Variants in CDK5RAP2 observed in about 807,000 individuals in gnomAD.
CDK5RAP2 encodes the protein CDK5 regulatory subunit associated protein 2, also known as CDK5 regulatory subunit-associated protein 2.
In CDK5RAP2, 147 loss-of-function variants were observed where a neutral mutation model predicts 232.9. The observed-to-expected ratio is 0.63, with a 90% confidence interval of 0.55 to 0.72. The LOEUF (loss-of-function observed/expected upper bound fraction) is 0.72, where lower values mean the gene tolerates loss of function less well. Among genes scored for constraint, CDK5RAP2 ranks in the 30% least tolerant of loss-of-function variants. CDK5RAP2 has a pLI of 0.00. For missense variants in CDK5RAP2, 2,195 were observed against 2,231.5 expected (o/e 0.98, Z 0.33); for synonymous variants, 833 against 833.7 (o/e 1.00, Z 0.01).
rs767866652 is a variant in CDK5RAP2, at chr9:120,467,969, T to C, written c.1997A>G (p.Glu666Gly). The change falls in exon 18 of 38, where the codon GAG becomes GGG. Residue 666 changes from glutamate (E) to glycine (G), a missense_variant. Glu to Gly is a moderately conservative substitution (Grantham distance 98, BLOSUM62 -2). Transcript: ENST00000349780. ...KVSDLIQLVK[E>G]LYTDNQHLKK... Reference sequence around the variant, plus strand: ...CAGGTGCTGGTTGTCTGTATACAGCTCCTTCACTAGCTGTATAAGGTCACT... The same window carrying C: ...CAGGTGCTGGTTGTCTGTATACAGCCCCTTCACTAGCTGTATAAGGTCACT... The C allele has an allele frequency of 6.2e-7, 1 of 1,614,102 alleles. No individual in the cohort carries two copies. The highest frequency in any genetic ancestry group is 2.2e-5 in the East Asian group (1 of 44,884).
chr9:120,550,224 A>G (rs1325914536), intron 4 of CDK5RAP2, among the ~76,000 whole-genome samples: 1 of 152,228 alleles, frequency 6.6e-6, no homozygotes, highest in Non-Finnish European at 1.5e-5. Flanking sequence ...GTTACAGGCA[A>G]GCACACAGGA....
intron 32 of CDK5RAP2, among the ~76,000 whole-genome samples, 174 bp from the exon 33 acceptor site, chr9:120,404,287 G>GA (rs1226897176): frequency 6.6e-6 from 1 of 152,198 alleles, no homozygotes; most frequent in Non-Finnish European, 1.5e-5. Flanking sequence ...GGACACCAGG[G>GA]AGACAGAGTG....
At chr9:120,477,303 G>C in intron 15 of CDK5RAP2, 47 bp downstream of exon 15, 1 of 1,310,030 alleles carries the variant, frequency 7.6e-7, no homozygotes. Flanking sequence ...GCGTGCATGT[G>C]TGTGTGTTCG....
At chr9:120,579,060 C>T (rs1355007006) in intron 1 of CDK5RAP2, among the ~76,000 whole-genome samples, 1 of 152,174 alleles carries the variant, frequency 6.6e-6, no homozygotes, top group Non-Finnish European at 1.5e-5. Flanking sequence ...AGGGGCCAGC[C>T]GTGGAGCAGA....
At chr9:120,451,969 G>T (rs1374360947) in intron 21 of CDK5RAP2, among the ~76,000 whole-genome samples, 2 of 150,570 alleles carry the variant, frequency 1.3e-5, no homozygotes, top group African/African-American at 4.9e-5. Context: ...TCCTTTTGAA[G>T]ACATAGCAAG....
At chr9:120,389,990 A>G (rs1002696497) in intron 36 of CDK5RAP2, 5 of 608,130 alleles carry the variant, frequency 8.2e-6, no homozygotes, top group South Asian at 1.8e-5. Context: ...ACGCATCAAC[A>G]ACACCTCTTT....
At chr9:120,518,133 T>C (rs566444124) in intron 12 of CDK5RAP2, among the ~76,000 whole-genome samples, 10 of 147,546 alleles carry the variant, frequency 6.8e-5, no homozygotes, top group East Asian at 2.0e-4. Context: ...AAAAGCACGA[T>C]ACAAAACTGT....
Position 120,407,181 on chromosome 9 carries a change from G to A in CDK5RAP2, c.4794C>T (p.Ile1598=), listed in dbSNP as rs1446911588. 8 of 1,613,784 alleles carry A rather than the reference G, an allele frequency of 5.0e-6. No individual in the cohort carries two copies. Among genetic ancestry groups the A allele is most frequent in the Non-Finnish European group, 5.9e-6 (7 of 1,180,036 alleles). The change falls in exon 32 of 38, where the codon ATC becomes ATT. Residue 1598 remains isoleucine, a synonymous_variant. Transcript: ENST00000349780. ...FRDLHSLLME[I]QALRLQLERS... is the part of the protein sequence containing the mutation. ...TTTCTAGTTGCAAGCGCAGAGCCTG[G>A]ATCTCCATCAGGAGGCTGTGCAGGT... is the stretch of plus-strand genomic sequence containing the variant.
intron 22 of CDK5RAP2, among the ~76,000 whole-genome samples, chr9:120,443,993 T>A (rs893200916): frequency 9.8e-5 from 15 of 152,328 alleles, no homozygotes; most frequent in Admixed American, 1.3e-4. Context: ...ATGAATTCTA[T>A]CAATTCGTGC....
At chr9:120,524,502 GT>G (rs948461705) in intron 11 of CDK5RAP2, among the ~76,000 whole-genome samples, 1 of 152,238 alleles carries the variant, frequency 6.6e-6, no homozygotes, top group African/African-American at 2.4e-5. Flanking sequence ...TTAGCCAGGC[GT>G]GGTGGTGGGC....
At chr9:120,441,305 G>A (rs1316655686) in intron 23 of CDK5RAP2, among the ~76,000 whole-genome samples, 3 of 152,166 alleles carry the variant, frequency 2.0e-5, no homozygotes, top group Admixed American at 2.0e-4. Context: ...CTGTCACATA[G>A]GCAAGTTACT....
At chr9:120,409,825 A>G (rs1475614944) in intron 29 of CDK5RAP2, among the ~76,000 whole-genome samples, 1 of 152,276 alleles carries the variant, frequency 6.6e-6, no homozygotes, top group Non-Finnish European at 1.5e-5. Flanking sequence ...CAGAGAGGCC[A>G]CATTCAAGAG....
At position 120,403,059 on chromosome 9, in the gene CDK5RAP2, G is replaced by A; in HGVS notation, c.5054C>T (p.Pro1685Leu). 2 of 1,614,106 alleles carry A rather than the reference G, an allele frequency of 1.2e-6. No individual in the cohort carries two copies. The highest frequency in any genetic ancestry group is 1.7e-6 in the Non-Finnish European group (2 of 1,179,954). The change falls in exon 34 of 38, where the codon CCT (proline) becomes CTT (leucine). Residue 1685 changes from proline (P) to leucine (L), a missense_variant. Transcript: ENST00000349780. This position sits in a 1 kb window ranked among gnomAD's most constrained non-coding sequence, Gnocchi z 4.2. ...GTCCGTGTCATTCCCAGAGAGTGGA[G>A]GAGTCTCTGAAACTGTAAAATGAGA... ...AVTPKSVSETPPLSGNDTDSL... is the reference protein window; with the variant it reads ...AVTPKSVSETLPLSGNDTDSL...
intron 25 of CDK5RAP2, among the ~76,000 whole-genome samples, chr9:120,423,095 C>T (rs562495111): frequency 6.6e-6 from 1 of 152,308 alleles, no homozygotes; most frequent in Non-Finnish European, 1.5e-5. Context: ...CTGGCACTCC[C>T]ACAGCCAAGT....
chr9:120,503,772 CCTCT>C (rs1292654206), intron 12 of CDK5RAP2, among the ~76,000 whole-genome samples: 1 of 152,070 alleles, frequency 6.6e-6, no homozygotes, highest in Non-Finnish European at 1.5e-5. Context: ...AGCCGTGTCA[CCTCT>C]CTCTGTCCCC....
At chr9:120,560,802 A>C (rs1030056309) in intron 3 of CDK5RAP2, among the ~76,000 whole-genome samples, 1 of 151,928 alleles carries the variant, frequency 6.6e-6, no homozygotes, top group African/African-American at 2.4e-5. Flanking sequence ...TTTTTAGTAG[A>C]GACGGGGTTT....
At chr9:120,521,740 G>C (rs1358490442) in intron 11 of CDK5RAP2, among the ~76,000 whole-genome samples, 2 of 150,814 alleles carry the variant, frequency 1.3e-5, no homozygotes, top group Non-Finnish European at 3.0e-5. Context: ...CCGCCTCCCG[G>C]GTTCACACCA....
chr9:120,522,378 T>C (rs1416846246), intron 11 of CDK5RAP2, among the ~76,000 whole-genome samples: 1 of 152,244 alleles, frequency 6.6e-6, no homozygotes, highest in Non-Finnish European at 1.5e-5. Flanking sequence ...CTACATATAC[T>C]GCCATGGCAA....
At chr9:120,540,434 A>T (rs1439700666) in intron 5 of CDK5RAP2, among the ~76,000 whole-genome samples, 1 of 152,196 alleles carries the variant, frequency 6.6e-6, no homozygotes, top group East Asian at 1.9e-4. Flanking sequence ...AGCCATGTGA[A>T]TTTTTTACTG....
Sources: gnomAD v4.1 joint callset for allele counts (sites outside exome capture counted in the v4.1 genomes callset) on GRCh38, gnomAD v4.1.1 for gene constraint, Gnocchi (gnomAD v3.1) non-coding constraint, MANE v1.5 for transcripts, NCBI Gene and HGNC (gene_info 2026-07-23, HGNC 2026-07-21) for gene names.